IL1RAPL2: variants seen among roughly 807,000 people sequenced by gnomAD.
IL1RAPL2 encodes X-linked interleukin-1 receptor accessory protein-like 2.
A neutral mutation model predicts 44.1 loss-of-function variants in IL1RAPL2; 3 were observed. That is an observed-to-expected ratio of 0.07 (90% CI 0.03 to 0.18). The LOEUF (loss-of-function observed/expected upper bound fraction) is 0.18. IL1RAPL2 is among the 10% of genes least tolerant of loss of function. IL1RAPL2 has a pLI of 1.00. For synonymous variants in IL1RAPL2, 181 were observed against 178.8 expected (o/e 1.01, Z -0.10); for missense variants, 391 against 496.4 (o/e 0.79, Z 2.02).
At chrX:104,674,189 G>A (rs188592867) in intron 2 of IL1RAPL2, among the ~76,000 whole-genome samples, 6,117 of 111,853 alleles carry the variant, frequency 0.055, 437 homozygotes, top group African/African-American at 0.19. Context: ...TTTTCAAAGG[G>A]AATGCTTCCA....
chrX:105,513,594 T>C (rs1814019612), intron 6 of IL1RAPL2, among the ~76,000 whole-genome samples: 1 of 112,028 alleles, frequency 8.9e-6, no homozygotes, highest in Admixed American at 9.5e-5. Flanking sequence ...TTCATATCTT[T>C]TGCCCAGTTT....
intron 6 of IL1RAPL2, among the ~76,000 whole-genome samples, chrX:105,645,978 C>T (rs751297215): frequency 1.8e-5 from 2 of 111,208 alleles, no homozygotes; most frequent in Non-Finnish European, 3.8e-5. Flanking sequence ...TCAAGTTTCC[C>T]AGACACCTTG....
intron 5 of IL1RAPL2, among the ~76,000 whole-genome samples, chrX:105,373,990 A>G (rs753366021): frequency 9.2e-6 from 1 of 109,126 alleles, no homozygotes; most frequent in Non-Finnish European, 1.9e-5. Flanking sequence ...ATAGTAGCAC[A>G]CACCTGTAAT....
intron 4 of IL1RAPL2, among the ~76,000 whole-genome samples, chrX:105,266,325 A>C (rs1425725420): frequency 9.0e-6 from 1 of 111,286 alleles, no homozygotes; most frequent in Non-Finnish European, 1.9e-5. Context: ...TACAGGCGTG[A>C]GCCACCGTGC....
intron 6 of IL1RAPL2, among the ~76,000 whole-genome samples, chrX:105,512,067 CCTCTCTAATTTCAGTT>C (rs1363347852): frequency 2.7e-5 from 3 of 110,838 alleles, no homozygotes; most frequent in African/African-American, 6.6e-5. Flanking sequence ...TAATTTCAGT[CCTCTCTAATTTCAGTT>C]CTCTCTAATT....
intron 6 of IL1RAPL2, among the ~76,000 whole-genome samples, chrX:105,513,620 G>GT (rs1414889019): frequency 9.0e-6 from 1 of 111,256 alleles, no homozygotes; most frequent in Non-Finnish European, 1.9e-5. Context: ...GGGGTTGTTT[G>GT]TTTTTTTCTT....
chrX:105,141,705 A>G (rs1487403000), intron 2 of IL1RAPL2, among the ~76,000 whole-genome samples: 2 of 111,867 alleles, frequency 1.8e-5, no homozygotes, highest in Non-Finnish European at 3.8e-5. Context: ...ATCACAACCA[A>G]TAGTTATTTT....
chrX:104,587,708 G>A (rs1219653675), intron 1 of IL1RAPL2, among the ~76,000 whole-genome samples: 1 of 112,303 alleles, frequency 8.9e-6, no homozygotes, highest in Non-Finnish European at 1.9e-5. Context: ...TTCAATCATA[G>A]TAATAAATTA....
chrX:105,677,557 T>C (rs1014365668), intron 6 of IL1RAPL2, among the ~76,000 whole-genome samples: 3 of 112,205 alleles, frequency 2.7e-5, no homozygotes, highest in Non-Finnish European at 5.6e-5. Flanking sequence ...GTAATCCTTA[T>C]TTGAAATGAA....
chrX:105,071,230 A>G (rs1483133050), intron 2 of IL1RAPL2, among the ~76,000 whole-genome samples: 1 of 111,708 alleles, frequency 9.0e-6, no homozygotes, highest in Non-Finnish European at 1.9e-5. Context: ...GCATTTGTCT[A>G]TACAAACAAT....
At position 105,554,459 on chromosome X, in the gene IL1RAPL2, TG is replaced by T. The variant is rs200276192; in HGVS notation, c.772+70073del. Among the ~76,000 whole-genome samples, 731 of 111,991 alleles carry T rather than the reference TG, an allele frequency of 6.5e-3. 4 individuals are homozygous for T. Among genetic ancestry groups the T allele is most frequent in the South Asian group, 0.037 (100 of 2,708 alleles). ...ATTCACTGACTCTCAAATTTGTGTT[TG>T]ATGCTTTTAATCAAATTTGGAAAAC... On this transcript the variant is annotated intron_variant, in intron 6 of 10. Coordinates refer to ENST00000372582, the MANE Select transcript of IL1RAPL2 (RefSeq NM_017416.2).
intron 6 of IL1RAPL2, among the ~76,000 whole-genome samples, chrX:105,545,362 G>T (rs5962292): frequency 0.35 from 39,380 of 110,940 alleles, 5,681 homozygotes; most frequent in South Asian, 0.48. Context: ...GTAATGAAAT[G>T]CAGGTCCAGA....
chrX:105,234,235 C>T (rs1309830757), intron 4 of IL1RAPL2, among the ~76,000 whole-genome samples: 1 of 112,000 alleles, frequency 8.9e-6, no homozygotes, highest in Admixed American at 9.5e-5. Context: ...AATCTCCCTC[C>T]AGCCTGACAG....
intron 5 of IL1RAPL2, among the ~76,000 whole-genome samples, chrX:105,429,820 C>T (rs193157594): frequency 4.5e-5 from 5 of 111,375 alleles, no homozygotes; most frequent in Non-Finnish European, 7.6e-5. Context: ...GAGTTTAACC[C>T]GTGGGCTATA....
intron 5 of IL1RAPL2, among the ~76,000 whole-genome samples, chrX:105,403,067 T>C (rs1342293618): frequency 8.9e-6 from 1 of 111,949 alleles, no homozygotes; most frequent in Admixed American, 9.5e-5. Context: ...GTGGTTCATA[T>C]TGAACTGCAT....
In IL1RAPL2 at chrX:104,634,455, C is replaced by T. The variant is rs61400536; in HGVS notation, c.-19-24440C>T. Among the ~76,000 whole-genome samples, 590 of 111,243 alleles carry T rather than the reference C, an allele frequency of 5.3e-3. 5 individuals are homozygous for T. The highest frequency in any genetic ancestry group is 0.018 in the African/African-American group (558 of 30,555). On this transcript the variant is annotated intron_variant, in intron 1 of 10. Transcript: ENST00000372582. ...TGTTGACAGTGGGGTATTAAAGTCT[C>T]CCATTATTATTGTGTGGGAATCTAT...
chrX:104,889,813 A>C (rs1476485876), intron 2 of IL1RAPL2, among the ~76,000 whole-genome samples: 1 of 110,017 alleles, frequency 9.1e-6, no homozygotes, highest in African/African-American at 3.3e-5. Context: ...ACTTTTTTTT[A>C]TTGTACTTTA....
chrX:104,819,609 T>A (rs1921244255), intron 2 of IL1RAPL2, among the ~76,000 whole-genome samples: 1 of 111,501 alleles, frequency 9.0e-6, no homozygotes, highest in African/African-American at 3.3e-5. Flanking sequence ...GATCTAGTTC[T>A]GTTGAGATTC....
At chrX:105,608,006 C>T (rs185333139) in intron 6 of IL1RAPL2, among the ~76,000 whole-genome samples, 139 of 110,916 alleles carry the variant, frequency 1.3e-3, no homozygotes, top group Non-Finnish European at 1.2e-3. Context: ...AAGAAGAGAG[C>T]TCTGCAATCT....
Sources: allele counts gnomAD v4.1 joint callset (sites outside exome capture counted in the v4.1 genomes callset), GRCh38; gene constraint gnomAD v4.1.1; transcripts MANE v1.5; gene names NCBI Gene and HGNC (gene_info 2026-07-23, HGNC 2026-07-21).